Variants in CAMKMT observed in about 807,000 individuals in gnomAD.
CAMKMT encodes CaM KMT.
In CAMKMT, 53 loss-of-function variants were observed where a neutral mutation model predicts 48.0. That is an observed-to-expected ratio of 1.10 (90% confidence interval 0.89 to 1.39). The LOEUF (loss-of-function observed/expected upper bound fraction) is 1.39, where lower values mean the gene tolerates loss of function less well. Among genes scored for constraint, CAMKMT ranks in the 40% most tolerant of loss-of-function variants. The pLI, the probability that CAMKMT is intolerant of heterozygous loss-of-function variation, is 0.00. For synonymous variants in CAMKMT, 165 were observed against 152.3 expected (o/e 1.08, Z -0.61); for missense variants, 428 against 402.7 (o/e 1.06, Z -0.54).
At chr2:44,751,258 C>G (rs559442108) in intron 8 of CAMKMT, among the ~76,000 whole-genome samples, 45 of 152,280 alleles carry the variant, frequency 3.0e-4, no homozygotes, top group Non-Finnish European at 4.7e-4. Context: ...CTAAACCAGT[C>G]AGTGCTCTCT....
Position 44,372,859 on chromosome 2 carries a change from C to G in CAMKMT, c.282C>G (p.Ile94Met). 1 of 1,613,820 alleles carries G rather than the reference C, an allele frequency of 6.2e-7. No individual in the cohort carries two copies. Among genetic ancestry groups the G allele is most frequent in the Non-Finnish European group, 8.5e-7 (1 of 1,179,856 alleles). Reference protein sequence around the residue: ...EVGAWVQYTSIFCPEYSISLR... With the variant: ...EVGAWVQYTSMFCPEYSISLR... Reference sequence around the variant, plus strand: ...GTGCATGGGTCCAATATACAAGCATCTTCTGTCCTGAATACAGTATCTCCT... The same window carrying G: ...GTGCATGGGTCCAATATACAAGCATGTTCTGTCCTGAATACAGTATCTCCT... Residue 94 changes from isoleucine (I) to methionine (M), a missense_variant, in exon 2 of 11, where the codon ATC (isoleucine) becomes ATG (methionine). Physicochemically the swap from Ile to Met is conservative, Grantham distance 10. Coordinates refer to ENST00000378494, the MANE Select transcript of CAMKMT (RefSeq NM_024766.5).
chr2:44,499,625 T>G (rs1429686350), intron 3 of CAMKMT, among the ~76,000 whole-genome samples: 1 of 152,246 alleles, frequency 6.6e-6, no homozygotes, highest in Non-Finnish European at 1.5e-5. Flanking sequence ...TCACTGTTCT[T>G]TGGTACTTGT....
chr2:44,433,961 A>G (rs912655669), intron 3 of CAMKMT, among the ~76,000 whole-genome samples: 12 of 152,162 alleles, frequency 7.9e-5, no homozygotes, highest in Non-Finnish European at 1.5e-4. Flanking sequence ...TTTGTAAACA[A>G]ATGGAGTAGG....
At chr2:44,469,105 A>G (rs1198328699) in intron 3 of CAMKMT, among the ~76,000 whole-genome samples, 1 of 152,166 alleles carries the variant, frequency 6.6e-6, no homozygotes, top group East Asian at 1.9e-4. Flanking sequence ...AATCAGTTCT[A>G]GTGTTCTACA....
intron 3 of CAMKMT, among the ~76,000 whole-genome samples, chr2:44,547,300 C>G (rs1291411950): frequency 1.3e-5 from 2 of 152,116 alleles, no homozygotes; most frequent in African/African-American, 4.8e-5. Flanking sequence ...GTTGGAAAGA[C>G]AGTACCTCAG....
chr2:44,383,907 G>C (rs1680512503), intron 2 of CAMKMT, among the ~76,000 whole-genome samples: 1 of 152,128 alleles, frequency 6.6e-6, no homozygotes, highest in African/African-American at 2.4e-5. Context: ...CCACGATTTT[G>C]CAATTGTGAA....
At chr2:44,390,483 C>G (rs1020224458) in intron 3 of CAMKMT, among the ~76,000 whole-genome samples, 178 bp downstream of exon 3, 1 of 143,952 alleles carries the variant, frequency 6.9e-6, no homozygotes, top group African/African-American at 2.6e-5. Context: ...GGTACACCGA[C>G]AAAATGGGAT....
chr2:44,624,814 G>A (rs918591410), intron 3 of CAMKMT, among the ~76,000 whole-genome samples: 6 of 152,150 alleles, frequency 3.9e-5, no homozygotes, highest in Admixed American at 6.6e-5. Context: ...ATAGCAGCAT[G>A]ATTTATAGTC....
intron 3 of CAMKMT, among the ~76,000 whole-genome samples, chr2:44,672,546 C>T (rs1675393396): frequency 1.3e-5 from 2 of 152,108 alleles, no homozygotes; most frequent in Admixed American, 1.3e-4. Flanking sequence ...ATTTAGGGAC[C>T]TTCTCCAATT....
At chr2:44,527,784 A>ACCCC in intron 3 of CAMKMT, among the ~76,000 whole-genome samples, 1 of 63,024 alleles carries the variant, frequency 1.6e-5, no homozygotes, top group African/African-American at 4.5e-5. Context: ...ACATGTGTAC[A>ACCCC]GCCCCCCCCC....
chr2:44,411,423 A>G (rs996523686), intron 3 of CAMKMT, among the ~76,000 whole-genome samples: 4 of 152,198 alleles, frequency 2.6e-5, no homozygotes, highest in Admixed American at 6.5e-5. Flanking sequence ...TTTATACTCA[A>G]TTGCATGTAT....
chr2:44,601,662 T>A (rs753034189), intron 3 of CAMKMT, among the ~76,000 whole-genome samples: 18 of 152,022 alleles, frequency 1.2e-4, no homozygotes, highest in Non-Finnish European at 1.9e-4. Context: ...AAACTCTTTC[T>A]TACTATTCTC....
intron 3 of CAMKMT, among the ~76,000 whole-genome samples, chr2:44,608,581 G>A (rs1355363792): frequency 6.6e-6 from 1 of 152,016 alleles, no homozygotes; most frequent in African/African-American, 2.4e-5. Context: ...ACTATATAAT[G>A]TATTATAAAA....
chr2:44,412,803 C>A (rs889337147), intron 3 of CAMKMT, among the ~76,000 whole-genome samples: 1 of 151,682 alleles, frequency 6.6e-6, no homozygotes, highest in Admixed American at 6.6e-5. Context: ...AGGCTGGGCA[C>A]GGTGGCTCAC....
At chr2:44,567,365 C>A (rs546534267) in intron 3 of CAMKMT, among the ~76,000 whole-genome samples, 10 of 152,114 alleles carry the variant, frequency 6.6e-5, no homozygotes, top group Admixed American at 2.0e-4. Flanking sequence ...TCTGCATGGA[C>A]GTGATCTTTG....
chr2:44,683,707 C>A (rs1171304080), intron 3 of CAMKMT, among the ~76,000 whole-genome samples: 1 of 150,740 alleles, frequency 6.6e-6, no homozygotes, highest in Non-Finnish European at 1.5e-5. Flanking sequence ...CCTGTAGTCC[C>A]AGCTACTCGG....
intron 3 of CAMKMT, among the ~76,000 whole-genome samples, chr2:44,428,770 A>C (rs1299633398): frequency 6.6e-6 from 1 of 152,214 alleles, no homozygotes; most frequent in Non-Finnish European, 1.5e-5. Flanking sequence ...CACGTTAACC[A>C]TAATAACTCA....
At chr2:44,757,963 C>T (rs1435044733) in intron 9 of CAMKMT, among the ~76,000 whole-genome samples, 3 of 152,140 alleles carry the variant, frequency 2.0e-5, no homozygotes, top group Non-Finnish European at 4.4e-5. Context: ...AGAATTTCTG[C>T]ACATAATTGG....
intron 3 of CAMKMT, among the ~76,000 whole-genome samples, chr2:44,643,975 A>G (rs1224139501): frequency 5.9e-5 from 9 of 152,218 alleles, no homozygotes; most frequent in Non-Finnish European, 1.0e-4. Flanking sequence ...AGTTGCAGCA[A>G]TCCACTCATA....
Sources: allele counts gnomAD v4.1 joint callset (sites outside exome capture counted in the v4.1 genomes callset), GRCh38; gene constraint gnomAD v4.1.1; transcripts MANE v1.5; gene names NCBI Gene and HGNC (gene_info 2026-07-23, HGNC 2026-07-21).